The following ZNF431 variants were observed in gnomAD, a reference collection of about 807,000 sequenced individuals.
ZNF431 encodes zinc finger protein 431.
ZNF431 carries 34 observed loss-of-function variants against 57.0 expected under a neutral mutation model. The ratio of observed to expected loss-of-function variants is 0.60; its 90% CI spans 0.45 to 0.79. ZNF431 has a LOEUF of 0.79. Ranked by LOEUF, ZNF431 falls within the 30% of genes least tolerant of loss-of-function variation. ZNF431 has a pLI of 0.00. For synonymous variants in ZNF431, 207 were observed against 220.3 expected, an observed-to-expected ratio of 0.94 and a Z score of 0.54; for missense variants, 607 against 667.1, an observed-to-expected ratio of 0.91 and a Z score of 0.99.
chr19:21,143,335 C>T (rs1184698082), intron 1 of ZNF431, among the ~76,000 whole-genome samples: 1 of 152,118 alleles, frequency 6.6e-6, no homozygotes, highest in African/African-American at 2.4e-5. Context: ...GCCTTTTCTC[C>T]TTGTATCTTC....
rs746604408 is a variant in ZNF431 at position 21,189,851 on chromosome 19, G to GT, written c.*5827dup. On this transcript the variant is annotated 3_prime_UTR_variant, in exon 5 of 5. Transcript: ENST00000311048. The stretch of plus-strand genomic sequence containing the variant: ...CATGTGATTGAGAATAATAGTTTTT[G>GT]TTTTTTTTTTAAGGCCAGGAGTGGT... 25,821 of 248,276 alleles carry GT rather than the reference G, an allele frequency of 0.1. 3 individuals are homozygous for GT. The highest frequency in any genetic ancestry group is 0.18 in the Middle Eastern group (158 of 876). The allele number at this position is 248,276 out of a possible 1,614,324, so 15.4% of individuals were successfully genotyped here.
chr19:21,187,353 T>A lies in ZNF431; in HGVS notation c.*3319T>A, dbSNP rs1971398416. 1 of 151,612 alleles carries A rather than the reference T, an allele frequency of 6.6e-6. No homozygotes were observed. Among genetic ancestry groups the A allele is most frequent in the Non-Finnish European group, 1.5e-5 (1 of 68,054 alleles). The allele number at this position is 151,612 out of a possible 1,614,324, so 9.4% of individuals were successfully genotyped here. A position where few individuals can be genotyped will look rare whatever the true frequency, so the allele number is the denominator to read the frequency against. ...CGGGAGGCTGAGTCAGGAGAATTGC[T>A]TGAACCCGGAGGTGAAGATTGGAGT... On this transcript the variant is annotated 3_prime_UTR_variant, in exon 5 of 5. Transcript: ENST00000311048.
At chr19:21,159,409 T>C (rs1043923706) in intron 2 of ZNF431, among the ~76,000 whole-genome samples, 3 of 152,132 alleles carry the variant, frequency 2.0e-5, no homozygotes, top group Admixed American at 2.0e-4. Flanking sequence ...AGTCTCACTC[T>C]GTTGCCAGGC....
Position 21,190,520 on chromosome 19 carries a change from T to C in ZNF431, c.*6486T>C, listed in dbSNP as rs1178961865. ...TTTCTTTTTCTTTTAATAAGAGTTA[T>C]TCTAACAGGAATGAGTTGATATAGG... On this transcript the variant is annotated 3_prime_UTR_variant, in exon 5 of 5. Transcript: ENST00000311048. The C allele has an allele frequency of 6.6e-6, 1 of 152,172 alleles. No individual in the cohort carries two copies. Among genetic ancestry groups the C allele is most frequent in the South Asian group, 2.1e-4 (1 of 4,836 alleles). 9.4% of individuals were successfully genotyped at this position (152,172 alleles called of 1,614,324 possible). A position where few individuals can be genotyped will look rare whatever the true frequency, so the allele number is the denominator to read the frequency against.
intron 2 of ZNF431, among the ~76,000 whole-genome samples, chr19:21,152,040 T>C (rs1327466727): frequency 6.6e-6 from 1 of 152,094 alleles, no homozygotes; most frequent in Non-Finnish European, 1.5e-5. Context: ...AAAAGAAAAA[T>C]TATCTTTTTC....
intron 2 of ZNF431, among the ~76,000 whole-genome samples, chr19:21,158,632 G>A (rs1970490818): frequency 2.6e-5 from 4 of 152,076 alleles, no homozygotes; most frequent in South Asian, 2.1e-4. Context: ...TTTGGCTTTT[G>A]GCTTGGATGT....
intron 2 of ZNF431, among the ~76,000 whole-genome samples, chr19:21,151,913 G>T (rs1291363420): frequency 2.6e-5 from 4 of 152,272 alleles, no homozygotes; most frequent in East Asian, 3.8e-4. Flanking sequence ...GAGGCTAGAA[G>T]TCTCGTCAGA....
rs1007078628 is a variant in ZNF431 at position 21,188,799 on chromosome 19, G to C, written c.*4765G>C. On this transcript the variant is annotated 3_prime_UTR_variant, in exon 5 of 5. Coordinates refer to ENST00000311048, the MANE Select transcript of ZNF431 (RefSeq NM_133473.4). ...GTTTACTGTGTTCACAGAGTGGCCA[G>C]TCATGGGACCATAAGCAACACCTGC... 6.6e-6 allele frequency: 1 copy of C among 152,152 alleles called. No homozygotes were observed. Among genetic ancestry groups the C allele is most frequent in the African/African-American group, 2.4e-5 (1 of 41,432 alleles). The allele number at this position is 152,152 out of a possible 1,614,324, so 9.4% of individuals were successfully genotyped here. A position where few individuals can be genotyped will look rare whatever the true frequency, so the allele number is the denominator to read the frequency against.
At chr19:21,178,623 C>G (rs967468749) in intron 4 of ZNF431, among the ~76,000 whole-genome samples, 3 of 152,004 alleles carry the variant, frequency 2.0e-5, no homozygotes, top group Non-Finnish European at 1.5e-5. Context: ...TATGCTGAAC[C>G]AGCCTTCCAT....
rs1304398899 is a variant in ZNF431 at position 21,193,356 on chromosome 19, C to T, written c.*9322C>T. ...CCAGCCTGCCCAACGTGGTGAAACC[C>T]CATCTCTGCTAAAATACAAAATTAG... is the stretch of plus-strand genomic sequence containing the variant. On this transcript the variant is annotated 3_prime_UTR_variant, in exon 5 of 5. Coordinates refer to ENST00000311048, the MANE Select transcript of ZNF431 (RefSeq NM_133473.4). 1 of 152,148 alleles carries T rather than the reference C, an allele frequency of 6.6e-6. No homozygotes were observed. Among genetic ancestry groups the T allele is most frequent in the East Asian group, 1.9e-4 (1 of 5,180 alleles). The allele number at this position is 152,148 out of a possible 1,614,324, so 9.4% of individuals were successfully genotyped here.
At chr19:21,163,500 A>G (rs1331814632) in intron 2 of ZNF431, among the ~76,000 whole-genome samples, 1 of 152,214 alleles carries the variant, frequency 6.6e-6, no homozygotes, top group Non-Finnish European at 1.5e-5. Flanking sequence ...CACATTACAT[A>G]GATTGGGACC....
intron 2 of ZNF431, among the ~76,000 whole-genome samples, chr19:21,159,947 A>C (rs1430104500): frequency 6.7e-6 from 1 of 149,348 alleles, no homozygotes; most frequent in African/African-American, 2.5e-5. Flanking sequence ...ACTTGGCCCA[A>C]ATGAACTCTC....
At chr19:21,170,178 T>C (rs1373122683) in intron 4 of ZNF431, among the ~76,000 whole-genome samples, 1 of 152,200 alleles carries the variant, frequency 6.6e-6, no homozygotes, top group East Asian at 1.9e-4. Flanking sequence ...TAAAGGCACT[T>C]ACTTTGGAGA....
chr19:21,191,414 T>C lies in ZNF431; in HGVS notation c.*7380T>C, dbSNP rs1211127736. On this transcript the variant is annotated 3_prime_UTR_variant, in exon 5 of 5. Coordinates refer to ENST00000311048, the MANE Select transcript of ZNF431 (RefSeq NM_133473.4). ...TTGTAGTGAGCCAAGGTCATGCCAC[T>C]GCACTCCAGCCTTGGCAACAGAATG... 19 of 151,442 alleles carry C rather than the reference T, an allele frequency of 1.3e-4. No homozygotes were observed. The highest frequency in any genetic ancestry group is 1.2e-3 in the Admixed American group (18 of 15,170). The allele number at this position is 151,442 out of a possible 1,614,324, so 9.4% of individuals were successfully genotyped here. A position where few individuals can be genotyped will look rare whatever the true frequency, so the allele number is the denominator to read the frequency against.
chr19:21,156,305 A>G (rs1970415253), intron 2 of ZNF431, among the ~76,000 whole-genome samples: 1 of 152,194 alleles, frequency 6.6e-6, no homozygotes, highest in South Asian at 2.1e-4. Flanking sequence ...CACCTGGGCC[A>G]CCATCTGTAG....
intron 4 of ZNF431, among the ~76,000 whole-genome samples, chr19:21,171,543 G>A (rs1056329625): frequency 2.0e-5 from 3 of 151,552 alleles, no homozygotes; most frequent in Admixed American, 6.6e-5. Context: ...ATATGTGTGT[G>A]TGTTTATCTA....
rs1488350872 is a variant in ZNF431, at chr19:21,191,967, T to C, written c.*7933T>C. 6.6e-6 allele frequency: 1 copy of C among 152,240 alleles called. No individual in the cohort carries two copies. Among genetic ancestry groups the C allele is most frequent in the East Asian group, 1.9e-4 (1 of 5,204 alleles). 9.4% of individuals were successfully genotyped at this position (152,240 alleles called of 1,614,324 possible). On this transcript the variant is annotated 3_prime_UTR_variant, in exon 5 of 5. Coordinates refer to ENST00000311048, the MANE Select transcript of ZNF431 (RefSeq NM_133473.4). ...ATTTTGTGTAATACAAATATTAATG[T>C]CAGTTCATGAATAGTCCATTTATGT...
rs186189751 is a variant in ZNF431, at chr19:21,172,565, C to T, written c.319+4899C>T. Among the ~76,000 whole-genome samples the T allele has an allele frequency of 1.1e-3, 167 of 152,212 alleles. 1 individual carries two copies. Among genetic ancestry groups the T allele is most frequent in the African/African-American group, 3.7e-3 (155 of 41,530 alleles). ...TTTGTAATCCCTGGATTTTGGGAAGCCAACACAGCAGTATCATTTGAGCCC... is the reference window on the plus strand; with the variant it reads ...TTTGTAATCCCTGGATTTTGGGAAGTCAACACAGCAGTATCATTTGAGCCC... On this transcript the variant is annotated intron_variant, in intron 4 of 4. Coordinates refer to ENST00000311048, the MANE Select transcript of ZNF431 (RefSeq NM_133473.4).
chr19:21,172,948 C>G (rs1416921597), intron 4 of ZNF431, among the ~76,000 whole-genome samples: 1 of 152,132 alleles, frequency 6.6e-6, no homozygotes, highest in Non-Finnish European at 1.5e-5. Flanking sequence ...TGACAAACAC[C>G]CTTCCACTTT....
Sources: gnomAD v4.1 joint callset for allele counts (sites outside exome capture counted in the v4.1 genomes callset) on GRCh38, gnomAD v4.1.1 for gene constraint, MANE v1.5 for transcripts, NCBI Gene and HGNC (gene_info 2026-07-23, HGNC 2026-07-21) for gene names.